DEFB118: variants seen among roughly 807,000 people sequenced by gnomAD.
The protein encoded by DEFB118 is defensin, beta 18.
Under a neutral mutation model 2.8 loss-of-function variants are expected in DEFB118, and 3 were observed. That is an observed-to-expected ratio of 1.09 (90% CI 0.50 to 2.82). The LOEUF (loss-of-function observed/expected upper bound fraction) is 2.82. DEFB118 is among the 30% of genes most tolerant of loss of function. The pLI is 0.04. For missense variants in DEFB118, 159 were observed against 144.6 expected (o/e 1.10, Z -0.51); for synonymous variants, 63 against 53.5 (o/e 1.18, Z -0.78).
chr20:31,371,463 TTTTTTC>T (rs1465060049), intron 1 of DEFB118, among the ~76,000 whole-genome samples: 1 of 151,790 alleles, frequency 6.6e-6, no homozygotes, highest in African/African-American at 2.4e-5. Context: ...ATTATCTACT[TTTTTTC>T]TTTTTCTTTT....
At position 31,373,792 on chromosome 20, in the gene DEFB118, G is replaced by T. The variant is rs1986257107; in HGVS notation, c.*622G>T. The T allele has an allele frequency of 6.7e-6, 1 of 150,326 alleles. No homozygotes were observed. The allele number at this position is 150,326 out of a possible 1,614,324, so 9.3% of individuals were successfully genotyped here. ...AGACCCATCTTTTTGACCAAGCCTT[G>T]ATCACACATGGACATCCAAGGGTAA... On this transcript the variant is annotated 3_prime_UTR_variant, in exon 2 of 2. Coordinates refer to ENST00000253381, the MANE Select transcript of DEFB118 (RefSeq NM_054112.3).
chr20:31,370,727 C>G (rs753408540), intron 1 of DEFB118, among the ~76,000 whole-genome samples: 2 of 152,004 alleles, frequency 1.3e-5, no homozygotes, highest in Non-Finnish European at 2.9e-5. Flanking sequence ...ATAAAATAAC[C>G]TCTTACTGTT....
chr20:31,371,521 A>G (rs1986210150), intron 1 of DEFB118, among the ~76,000 whole-genome samples: 1 of 151,704 alleles, frequency 6.6e-6, no homozygotes, highest in African/African-American at 2.4e-5. Context: ...CCCAGGCTGA[A>G]GTGCAGTGGC....
intron 1 of DEFB118, 63 bp from the exon 2 acceptor site, chr20:31,372,794 C>T: frequency 7.7e-7 from 1 of 1,292,526 alleles, no homozygotes; most frequent in Non-Finnish European, 1.1e-6. Context: ...GATATACAGT[C>T]ATGCTAGTGA....
Position 31,373,190 on chromosome 20 carries a change from C to G in DEFB118, c.*20C>G. On this transcript the variant is annotated 3_prime_UTR_variant, in exon 2 of 2. Coordinates refer to ENST00000253381, the MANE Select transcript of DEFB118 (RefSeq NM_054112.3). Reference sequence around the variant, plus strand: ...TCATGACTTCCTCTCGGCTATCACTCACCCCTGTCCTCAGAGTGATAAACT... The same window carrying G: ...TCATGACTTCCTCTCGGCTATCACTGACCCCTGTCCTCAGAGTGATAAACT... 1 of 1,604,356 alleles carries G rather than the reference C, an allele frequency of 6.2e-7. No homozygotes were observed. The highest frequency in any genetic ancestry group is 1.1e-5 in the South Asian group (1 of 90,024).
In DEFB118 at chr20:31,371,835, C is replaced by G. The variant is rs554651370; in HGVS notation, c.59-1022C>G. 2.0e-5 allele frequency among the ~76,000 whole-genome samples: 3 copies of G among 152,196 alleles called. No individual in the cohort carries two copies. In the East Asian group the frequency reaches 5.8e-4, roughly 29 times the overall value. ...AATAGGTAGTTTTTCATCCCTCCCCCTCCTCTTACTCTTCCCCCTTCTGAG... is the reference window on the plus strand; with the variant it reads ...AATAGGTAGTTTTTCATCCCTCCCCGTCCTCTTACTCTTCCCCCTTCTGAG... On this transcript the variant is annotated intron_variant, in intron 1 of 1. Coordinates refer to ENST00000253381, the MANE Select transcript of DEFB118 (RefSeq NM_054112.3).
chr20:31,372,984 C>T lies in DEFB118; in HGVS notation c.186C>T (p.His62=), dbSNP rs34247288. The T allele has an allele frequency of 7.3e-3, 11,852 of 1,614,168 alleles. 159 individuals carry two copies. The highest frequency in any genetic ancestry group is 0.058 in the African/African-American group (4,332 of 75,030). Residue 62 remains histidine (H), a synonymous_variant, in exon 2 of 2, where the codon CAC becomes CAT. Transcript: ENST00000253381. ...RACCIPSNED[H]RRVPATSPTP... ...GCTGCATTCCATCCAATGAAGACCA[C>T]AGGCGAGTTCCTGCGACATCTCCCA...
intron 1 of DEFB118, among the ~76,000 whole-genome samples, chr20:31,369,384 T>TG (rs755429580): frequency 1.7e-5 from 2 of 118,240 alleles, no homozygotes; most frequent in Non-Finnish European, 3.4e-5. Flanking sequence ...AGCACTCTTG[T>TG]GTTTTTTTTT....
In DEFB118 at chr20:31,372,851, A is replaced by T; in HGVS notation, c.59-6A>T. On this transcript the variant is annotated splice_polypyrimidine_tract_variant and splice_region_variant and intron_variant, in intron 1 of 1. Coordinates refer to ENST00000253381, the MANE Select transcript of DEFB118 (RefSeq NM_054112.3). ...AAAATCAATGGTCTTTCCTTTTATT[A>T]TTCAGCCTATAGTGGTGAAAAAAAA... is the stretch of plus-strand genomic sequence containing the variant. 6.2e-7 allele frequency: 1 copy of T among 1,608,312 alleles called. No individual in the cohort carries two copies. The highest frequency in any genetic ancestry group is 8.5e-7 in the Non-Finnish European group (1 of 1,175,884).
At position 31,373,179 on chromosome 20, in the gene DEFB118, C is replaced by T. The variant is rs765218036; in HGVS notation, c.*9C>T. On this transcript the variant is annotated 3_prime_UTR_variant, in exon 2 of 2. Transcript: ENST00000253381. ...TTCACCATAGCTCATGACTTCCTCT[C>T]GGCTATCACTCACCCCTGTCCTCAG... 2.4e-5 allele frequency: 38 copies of T among 1,609,378 alleles called. No homozygotes were observed. The highest frequency in any genetic ancestry group is 4.4e-5 in the South Asian group (4 of 90,718).
intron 1 of DEFB118, among the ~76,000 whole-genome samples, chr20:31,370,315 A>G (rs1269308019): frequency 6.6e-6 from 1 of 152,236 alleles, no homozygotes; most frequent in Admixed American, 6.5e-5. Context: ...AGACACAAAC[A>G]GGAATAATTC....
chr20:31,369,088 C>T (rs1986167837), intron 1 of DEFB118, among the ~76,000 whole-genome samples: 1 of 152,132 alleles, frequency 6.6e-6, no homozygotes, highest in Admixed American at 6.5e-5. Context: ...TTCTAATATT[C>T]TAGAATTTGG....
At chr20:31,370,367 T>C (rs1289314397) in intron 1 of DEFB118, among the ~76,000 whole-genome samples, 2 of 152,212 alleles carry the variant, frequency 1.3e-5, no homozygotes, top group African/African-American at 4.8e-5. Flanking sequence ...CTTTGAGTGC[T>C]AGTGGAGATA....
intron 1 of DEFB118, 32 bp from the exon 2 acceptor site, chr20:31,372,825 C>A (rs1173037630): frequency 1.3e-6 from 2 of 1,584,484 alleles, no homozygotes; most frequent in South Asian, 1.1e-5. Context: ...ATCAGTAACC[C>A]AAAATCAATG....
intron 1 of DEFB118, among the ~76,000 whole-genome samples, chr20:31,369,096 T>A (rs1275167048): frequency 6.6e-6 from 1 of 152,214 alleles, no homozygotes; most frequent in Non-Finnish European, 1.5e-5. Flanking sequence ...TTCTAGAATT[T>A]GGTGAACAAG....
chr20:31,373,169 G>T lies in DEFB118; in HGVS notation c.371G>T (p.Ter124LeuextTer13). 1.2e-6 allele frequency: 2 copies of T among 1,611,814 alleles called. No homozygotes were observed. The highest frequency in any genetic ancestry group is 1.7e-6 in the Non-Finnish European group (2 of 1,178,916). The change falls in exon 2 of 2, where the codon TGA (stop) becomes TTA (leucine). Residue 124 changes from the stop codon to leucine, a stop_lost. Transcript: ENST00000253381. Reference protein sequence around the residue: ...TSLPNVHHSS* With the variant: ...TSLPNVHHSSL Reference sequence around the variant, plus strand: ...CTTCCAAATGTTCACCATAGCTCATGACTTCCTCTCGGCTATCACTCACCC... The same window carrying T: ...CTTCCAAATGTTCACCATAGCTCATTACTTCCTCTCGGCTATCACTCACCC...
chr20:31,372,538 A>G (rs1012205513), intron 1 of DEFB118, among the ~76,000 whole-genome samples: 3 of 151,776 alleles, frequency 2.0e-5, no homozygotes, highest in Admixed American at 6.6e-5. Context: ...ACAGAGTGAG[A>G]CTCCATCTAA....
Position 31,372,872 on chromosome 20 carries a change from A to G in DEFB118, c.74A>G (p.Lys25Arg), listed in dbSNP as rs1986235397. 6 of 1,613,928 alleles carry G rather than the reference A, an allele frequency of 3.7e-6. No homozygotes were observed. In the East Asian group the frequency reaches 1.3e-4, roughly 36 times the overall value. ...TATTATTCAGCCTATAGTGGTGAAA[A>G]AAAATGCTGGAACAGATCAGGGCAC... ...PQVIPAYSGE[K>R]KCWNRSGHCR... The change falls in exon 2 of 2, where the codon AAA becomes AGA. Residue 25 changes from lysine (K) to arginine (R), a missense_variant. By Grantham distance (26) the Lys-to-Arg change is conservative. Transcript: ENST00000253381.
chr20:31,369,478 C>T (rs1353757896), intron 1 of DEFB118, among the ~76,000 whole-genome samples: 1 of 149,992 alleles, frequency 6.7e-6, no homozygotes, highest in African/African-American at 2.5e-5. Context: ...CAACCTCTGC[C>T]TCCTGGGTTC....
Sources: allele counts gnomAD v4.1 joint callset (sites outside exome capture counted in the v4.1 genomes callset), GRCh38; gene constraint gnomAD v4.1.1; transcripts MANE v1.5; gene names NCBI Gene and HGNC (gene_info 2026-07-23, HGNC 2026-07-21).